The following MAGI2 variants were observed in gnomAD, a reference collection of about 807,000 sequenced individuals.
MAGI2 encodes membrane-associated guanylate kinase, WW and PDZ domain-containing protein 2.
A neutral mutation model predicts 133.3 loss-of-function variants in MAGI2; 35 were observed. The observed-to-expected ratio is 0.26, with a 90% confidence interval of 0.20 to 0.35. The LOEUF (loss-of-function observed/expected upper bound fraction) is 0.35, where lower values mean the gene tolerates loss of function less well. MAGI2 is among the 10% of genes least tolerant of loss of function. The probability of loss-of-function intolerance (pLI) is 1.00; values close to 1 mark genes in which losing one functional copy is unlikely to be tolerated. For synonymous variants in MAGI2, 729 were observed against 710.6 expected (o/e 1.03, Z -0.41); for missense variants, 1,636 against 1,863.4 (o/e 0.88, Z 2.25).
intron 1 of MAGI2, among the ~76,000 whole-genome samples, chr7:79,213,402 C>T (rs74697482): frequency 0.026 from 3,974 of 151,742 alleles, 81 homozygotes; most frequent in East Asian, 0.05. Context: ...TAGGCTGGTC[C>T]CAAACCCCTG....
Position 78,177,910 on chromosome 7 carries a change from C to T in MAGI2, c.2403+101G>A, listed in dbSNP as rs1018421675. On this transcript the variant is annotated intron_variant, in intron 14 of 21. Coordinates refer to ENST00000354212, the MANE Select transcript of MAGI2 (RefSeq NM_012301.4). ...AAGCTTAAACTTCTTTATGAGAGTC[C>T]TAAAACATTTCCTTTTAGATATCAC... The T allele has an allele frequency of 2.4e-5, 20 of 848,514 alleles. No individual in the cohort carries two copies. The African/African-American group carries it at 2.8e-4, about 12-fold the overall frequency. The allele number at this position is 848,514 out of a possible 1,614,324, so 52.6% of individuals were successfully genotyped here. A position where few individuals can be genotyped will look rare whatever the true frequency, so the allele number is the denominator to read the frequency against.
chr7:79,039,839 T>TATATATATA (rs1491242582), intron 1 of MAGI2, among the ~76,000 whole-genome samples: 1 of 145,800 alleles, frequency 6.9e-6, no homozygotes, highest in Non-Finnish European at 1.5e-5. Context: ...TTGTATATAT[T>TATATATATA]ATATATACAT....
chr7:78,089,684 C>T (rs982181780), intron 20 of MAGI2, among the ~76,000 whole-genome samples: 1 of 152,136 alleles, frequency 6.6e-6, no homozygotes, highest in African/African-American at 2.4e-5. Context: ...GTTACCTTTG[C>T]CTCTGGTCAG....
intron 1 of MAGI2, among the ~76,000 whole-genome samples, chr7:79,326,185 T>C (rs548544247): frequency 5.6e-5 from 2 of 35,406 alleles, no homozygotes; most frequent in Non-Finnish European, 1.1e-4. Context: ...ACAAAGTATA[T>C]AGACCAGAAA....
chr7:79,154,862 T>C (rs1054602968), intron 1 of MAGI2, among the ~76,000 whole-genome samples: 1 of 152,152 alleles, frequency 6.6e-6, no homozygotes, highest in Non-Finnish European at 1.5e-5. Flanking sequence ...ACTAAACTCT[T>C]GCAAACAAAC....
At chr7:79,392,835 G>A (rs183996133) in intron 1 of MAGI2, among the ~76,000 whole-genome samples, 1 of 151,604 alleles carries the variant, frequency 6.6e-6, no homozygotes. Flanking sequence ...CTTTGCCAAG[G>A]CAGGAATGAG....
chr7:78,448,245 C>T (rs1010814558), intron 6 of MAGI2, among the ~76,000 whole-genome samples: 20 of 151,958 alleles, frequency 1.3e-4, no homozygotes, highest in African/African-American at 4.6e-4. Flanking sequence ...CATGGAAATG[C>T]AAAGTTTTTT....
chr7:78,859,064 G>C (rs904855295), intron 2 of MAGI2, among the ~76,000 whole-genome samples: 2 of 151,364 alleles, frequency 1.3e-5, no homozygotes, highest in African/African-American at 4.8e-5. Context: ...TGCAACCCCT[G>C]CTTTTTTTTT....
intron 2 of MAGI2, among the ~76,000 whole-genome samples, chr7:78,978,064 A>G (rs1202746067): frequency 2.0e-5 from 3 of 151,840 alleles, no homozygotes; most frequent in African/African-American, 7.2e-5. Flanking sequence ...ACACTCATTC[A>G]TTGCTGGAGT....
At chr7:79,084,433 A>T (rs181856434) in intron 1 of MAGI2, among the ~76,000 whole-genome samples, 2 of 151,724 alleles carry the variant, frequency 1.3e-5, no homozygotes, top group East Asian at 1.9e-4. Flanking sequence ...GTGTTGTTTA[A>T]TTGCCATTGC....
At chr7:79,305,016 C>T (rs945197543) in intron 1 of MAGI2, among the ~76,000 whole-genome samples, 1 of 152,108 alleles carries the variant, frequency 6.6e-6, no homozygotes, top group African/African-American at 2.4e-5. Flanking sequence ...ATTCTCCCAT[C>T]ACTATGGAGC....
At chr7:79,170,717 C>T (rs1009619099) in intron 1 of MAGI2, among the ~76,000 whole-genome samples, 5 of 151,946 alleles carry the variant, frequency 3.3e-5, no homozygotes, top group African/African-American at 9.7e-5. Flanking sequence ...TAAAAGGATG[C>T]CATTGAGATT....
At chr7:78,905,429 C>T (rs769490077) in intron 2 of MAGI2, among the ~76,000 whole-genome samples, 60 of 152,286 alleles carry the variant, frequency 3.9e-4, no homozygotes, top group Middle Eastern at 3.4e-3. Context: ...TTGGATAGGG[C>T]ACGTAGCCTT....
intron 20 of MAGI2, among the ~76,000 whole-genome samples, chr7:78,123,482 T>C (rs1271583413): frequency 6.6e-6 from 1 of 152,166 alleles, no homozygotes; most frequent in African/African-American, 2.4e-5. Flanking sequence ...CCAGCATCAC[T>C]ACTCTTGCAC....
intron 5 of MAGI2, among the ~76,000 whole-genome samples, chr7:78,499,180 G>C (rs1015011067): frequency 6.6e-6 from 1 of 152,134 alleles, no homozygotes; most frequent in Non-Finnish European, 1.5e-5. Flanking sequence ...CTCTAGTAGG[G>C]TCAGGGGCTT....
At chr7:79,192,674 G>C (rs1452266494) in intron 1 of MAGI2, among the ~76,000 whole-genome samples, 1 of 151,662 alleles carries the variant, frequency 6.6e-6, no homozygotes, top group East Asian at 1.9e-4. Context: ...AGGTTTTTTT[G>C]GGGGTGAGGA....
At chr7:78,962,099 C>T (rs902876541) in intron 2 of MAGI2, among the ~76,000 whole-genome samples, 10 of 152,022 alleles carry the variant, frequency 6.6e-5, no homozygotes, top group African/African-American at 1.2e-4. Flanking sequence ...ATTGAACTCT[C>T]GTTATGTGGT....
At chr7:78,831,445 A>C (rs540143044) in intron 2 of MAGI2, among the ~76,000 whole-genome samples, 1 of 151,952 alleles carries the variant, frequency 6.6e-6, no homozygotes, top group South Asian at 2.1e-4. Flanking sequence ...TCTGTCACCC[A>C]GGCTGGGGTG....
At chr7:79,181,680 T>C (rs1826637243) in intron 1 of MAGI2, among the ~76,000 whole-genome samples, 2 of 152,010 alleles carry the variant, frequency 1.3e-5, no homozygotes, top group African/African-American at 4.8e-5. Context: ...CCAGCTTGAA[T>C]TTCTCTTCAG....
Sources: gnomAD v4.1 joint callset for allele counts (sites outside exome capture counted in the v4.1 genomes callset) on GRCh38, gnomAD v4.1.1 for gene constraint, MANE v1.5 for transcripts, NCBI Gene and HGNC (gene_info 2026-07-23, HGNC 2026-07-21) for gene names.